Variants in PDE10A observed in about 807,000 individuals in gnomAD.
PDE10A encodes the protein phosphodiesterase 10A.
In PDE10A, 39 loss-of-function variants were observed where a neutral mutation model predicts 97.7. The observed-to-expected ratio is 0.40, with a 90% CI of 0.31 to 0.52. The LOEUF (loss-of-function observed/expected upper bound fraction) is 0.52, where lower values mean the gene tolerates loss of function less well. Among genes scored for constraint, PDE10A ranks in the 20% least tolerant of loss-of-function variants. PDE10A has a pLI of 0.56. For missense variants in PDE10A, 731 were observed against 1,047.8 expected (o/e 0.70, Z 4.17); for synonymous variants, 371 against 376.8 (o/e 0.98, Z 0.18).
chr6:165,954,492 T>C (rs1784069815), intron 1 of PDE10A, among the ~76,000 whole-genome samples: 1 of 152,092 alleles, frequency 6.6e-6, no homozygotes, highest in South Asian at 2.1e-4. Flanking sequence ...AGTCCATCAG[T>C]TAGGAACACA....
At chr6:165,731,610 T>C (rs1033905602) in intron 1 of PDE10A, among the ~76,000 whole-genome samples, 2 of 152,230 alleles carry the variant, frequency 1.3e-5, no homozygotes, top group African/African-American at 4.8e-5. Flanking sequence ...ATTCAACTTC[T>C]GAGTGGCCAC....
chr6:165,506,310 G>T (rs60421939), intron 2 of PDE10A, among the ~76,000 whole-genome samples: 2,393 of 152,066 alleles, frequency 0.016, 51 homozygotes, highest in African/African-American at 0.055. Flanking sequence ...CTTTAGATAG[G>T]CATTACGGTT....
At chr6:165,543,636 T>A in intron 1 of PDE10A, 68 bp from the exon 2 acceptor site, 1 of 1,257,992 alleles carries the variant, frequency 7.9e-7, no homozygotes, top group Non-Finnish European at 1.1e-6. Context: ...AGGTATAGTA[T>A]CACAACACAT....
intron 1 of PDE10A, among the ~76,000 whole-genome samples, chr6:165,922,471 C>T (rs147976125): frequency 1.8e-3 from 276 of 152,182 alleles, no homozygotes; most frequent in Middle Eastern, 0.01. Context: ...AGTTAAGAAG[C>T]GAAACAGTAA....
At chr6:165,987,863 A>G (rs915797772) in exon 1 of PDE10A, 6 of 382,524 alleles carry the variant, frequency 1.6e-5, no homozygotes, top group African/African-American at 1.3e-4. Context: ...GGAAAGCTGC[A>G]CCCAGCGCCT....
rs1340215701 is a variant in PDE10A, at chr6:165,464,278, T to A, written c.1024-13916A>T. On this transcript the variant is annotated intron_variant, in intron 3 of 21. Transcript: ENST00000539869. Reference sequence around the variant, plus strand: ...TTTGTCTACTTACATATACATATATTAGGAGAGATGAAAAACCATGACTCA... The same window carrying A: ...TTTGTCTACTTACATATACATATATAAGGAGAGATGAAAAACCATGACTCA... Among the ~76,000 whole-genome samples, 5 of 152,208 alleles carry A rather than the reference T, an allele frequency of 3.3e-5. No homozygotes were observed. In the South Asian group the frequency reaches 8.3e-4, roughly 25 times the overall value.
intron 3 of PDE10A, among the ~76,000 whole-genome samples, chr6:165,457,276 TACA>T (rs1354918120): frequency 1.3e-5 from 2 of 152,188 alleles, no homozygotes; most frequent in African/African-American, 4.8e-5. Flanking sequence ...TAAGAGAAAC[TACA>T]ACAAGTTTAT....
At chr6:165,860,011 C>T (rs565547044) in intron 1 of PDE10A, among the ~76,000 whole-genome samples, 65 of 152,064 alleles carry the variant, frequency 4.3e-4, no homozygotes, top group African/African-American at 1.2e-3. Context: ...GGCATAAGAA[C>T]GATGCAATGG....
intron 18 of PDE10A, among the ~76,000 whole-genome samples, chr6:165,378,561 C>T (rs1417225483): frequency 6.6e-6 from 1 of 152,194 alleles, no homozygotes; most frequent in Non-Finnish European, 1.5e-5. Flanking sequence ...TCTGAATCCA[C>T]TAGGCAAGAC....
chr6:165,654,929 C>G (rs1789862221), intron 1 of PDE10A, among the ~76,000 whole-genome samples: 1 of 152,210 alleles, frequency 6.6e-6, no homozygotes, highest in South Asian at 2.1e-4. Flanking sequence ...TGCTCCATGG[C>G]TCTGCCTTCT....
chr6:165,518,413 C>A (rs1333806646), intron 2 of PDE10A, among the ~76,000 whole-genome samples: 2 of 152,172 alleles, frequency 1.3e-5, no homozygotes, highest in Non-Finnish European at 2.9e-5. Flanking sequence ...TGAAATCTCA[C>A]ACTGGCCAGC....
At position 165,329,508 on chromosome 6, in the gene PDE10A, T is replaced by C. The variant is rs1429834902; in HGVS notation, c.*3517A>G. The C allele has an allele frequency of 6.6e-6, 1 of 152,184 alleles. No homozygotes were observed. The highest frequency in any genetic ancestry group is 2.4e-5 in the African/African-American group (1 of 41,460). 9.4% of individuals were successfully genotyped at this position (152,184 alleles called of 1,614,324 possible). A position where few individuals can be genotyped will look rare whatever the true frequency, so the allele number is the denominator to read the frequency against. ...TTTAGTCCTATTAAAGCTCAAACCT[T>C]AATTTTGAGTTAAAAGACCAGAAAC... On this transcript the variant is annotated 3_prime_UTR_variant, in exon 22 of 22. Transcript: ENST00000539869.
intron 1 of PDE10A, chr6:165,939,778 A>T (rs1278503463): frequency 6.6e-6 from 1 of 152,226 alleles, no homozygotes; most frequent in African/African-American, 2.4e-5. Context: ...AAGCTTACAC[A>T]ACTCCTAGCC....
chr6:165,919,072 C>G (rs1782682898), intron 1 of PDE10A, among the ~76,000 whole-genome samples: 1 of 152,178 alleles, frequency 6.6e-6, no homozygotes, highest in Non-Finnish European at 1.5e-5. Context: ...AAAGGAGGTC[C>G]TGAATCTTCC....
At chr6:165,356,787 A>T (rs908098890) in intron 18 of PDE10A, among the ~76,000 whole-genome samples, 9 of 152,204 alleles carry the variant, frequency 5.9e-5, no homozygotes, top group African/African-American at 1.9e-4. Flanking sequence ...AACTTGCTTA[A>T]TTCGCTTATT....
chr6:165,373,209 A>C (rs1304271191), intron 18 of PDE10A, among the ~76,000 whole-genome samples: 1 of 151,372 alleles, frequency 6.6e-6, no homozygotes, highest in African/African-American at 2.4e-5. Context: ...CAATGGCAAC[A>C]AAAGACAAAA....
At chr6:165,788,049 C>T (rs769764983) in intron 1 of PDE10A, among the ~76,000 whole-genome samples, 6 of 152,172 alleles carry the variant, frequency 3.9e-5, no homozygotes, top group Non-Finnish European at 7.4e-5. Flanking sequence ...ATTACACAAT[C>T]TGTCTTTACT....
chr6:165,691,106 T>TCCCCC (rs35264122), intron 1 of PDE10A, among the ~76,000 whole-genome samples: 6 of 39,130 alleles, frequency 1.5e-4, no homozygotes, highest in Admixed American at 3.3e-4. Context: ...TCTTTCTCTC[T>TCCCCC]CCCCCCCCCC....
intron 1 of PDE10A, among the ~76,000 whole-genome samples, chr6:165,854,509 C>G (rs895384134): frequency 1.2e-4 from 18 of 152,212 alleles, no homozygotes; most frequent in East Asian, 3.9e-4. Flanking sequence ...CGCGGCCAGA[C>G]AAGGAGCCCT....
Sources: allele counts gnomAD v4.1 joint callset (sites outside exome capture counted in the v4.1 genomes callset), GRCh38; gene constraint gnomAD v4.1.1; transcripts MANE v1.5; gene names NCBI Gene and HGNC (gene_info 2026-07-23, HGNC 2026-07-21).